The following DMD variants were observed in gnomAD, a reference collection of about 807,000 sequenced individuals.
The protein encoded by DMD is dystrophin, also known as mutant dystrophin.
A neutral mutation model predicts 330.1 loss-of-function variants in DMD; 63 were observed. The observed-to-expected ratio is 0.19, with a 90% CI of 0.16 to 0.24. The LOEUF is 0.24. DMD is among the 10% of genes least tolerant of loss of function. The probability of loss-of-function intolerance (pLI) is 1.00; values close to 1 mark genes in which losing one functional copy is unlikely to be tolerated. For missense variants in DMD, 3,344 were observed against 2,684.1 expected, an observed-to-expected ratio of 1.25 and a Z score of -5.43; for synonymous variants, 1,223 against 959.8, an observed-to-expected ratio of 1.27 and a Z score of -5.07.
intron 50 of DMD, among the ~76,000 whole-genome samples, chrX:31,797,044 A>T (rs1280991400): frequency 8.9e-6 from 1 of 111,888 alleles, no homozygotes; most frequent in Non-Finnish European, 1.9e-5. Flanking sequence ...CATTCTTTAT[A>T]AATTGCCCAG....
intron 63 of DMD, among the ~76,000 whole-genome samples, chrX:31,230,743 C>A (rs764294000): frequency 2.7e-4 from 30 of 110,654 alleles, no homozygotes; most frequent in Middle Eastern, 9.3e-3. Flanking sequence ...AGGTTATGAA[C>A]CAAAAAATAC....
At chrX:32,222,649 A>G (rs1407112567) in intron 43 of DMD, among the ~76,000 whole-genome samples, 1 of 112,045 alleles carries the variant, frequency 8.9e-6, no homozygotes, top group Non-Finnish European at 1.9e-5. Flanking sequence ...TGTTGTCATT[A>G]TTAGTGTACC....
At chrX:31,697,213 G>C (rs973563953) in intron 52 of DMD, among the ~76,000 whole-genome samples, 1 of 111,217 alleles carries the variant, frequency 9.0e-6, no homozygotes, top group African/African-American at 3.3e-5. Context: ...ACATATTATG[G>C]CAATGTATTT....
chrX:31,609,908 T>C (rs2077814719), intron 55 of DMD, among the ~76,000 whole-genome samples: 1 of 111,787 alleles, frequency 8.9e-6, no homozygotes, highest in Non-Finnish European at 1.9e-5. Context: ...TATTCTACCA[T>C]ATTTCTCTTT....
In DMD at chrX:31,648,008, G is replaced by T. The variant is rs143059556; in HGVS notation, c.8027+9982C>A. On this transcript the variant is annotated intron_variant, in intron 54 of 78. Transcript: ENST00000357033. ...GGAAGAATGTCACTATGTACTTCAA[G>T]AAATTATTTCCCCCATGTTTTTTAT... Among the ~76,000 whole-genome samples the T allele has an allele frequency of 3.2e-3, 361 of 111,979 alleles. 4 individuals are homozygous for T. The highest frequency in any genetic ancestry group is 0.02 in the Admixed American group (207 of 10,544).
At chrX:31,750,609 C>T (rs1247677320) in intron 51 of DMD, among the ~76,000 whole-genome samples, 1 of 110,694 alleles carries the variant, frequency 9.0e-6, no homozygotes, top group Non-Finnish European at 1.9e-5. Flanking sequence ...CCTCTCTCAC[C>T]ACTCCTATTC....
intron 2 of DMD, among the ~76,000 whole-genome samples, chrX:32,910,538 G>A (rs928672159): frequency 9.0e-6 from 1 of 110,794 alleles, no homozygotes; most frequent in Non-Finnish European, 1.9e-5. Flanking sequence ...CCTGCCAAGC[G>A]ATTCTCCTGC....
chrX:31,336,568 T>C (rs763660171), intron 61 of DMD, among the ~76,000 whole-genome samples: 6 of 112,590 alleles, frequency 5.3e-5, no homozygotes, highest in Non-Finnish European at 7.5e-5. Flanking sequence ...ATGCCAATAG[T>C]GCCCAGGTCA....
chrX:31,458,733 T>A (rs1462527711), intron 59 of DMD, among the ~76,000 whole-genome samples: 2 of 110,496 alleles, frequency 1.8e-5, no homozygotes, highest in Admixed American at 9.7e-5. Flanking sequence ...AAACTCTTTT[T>A]AAAATAATCT....
At chrX:31,343,222 ATAATT>A (rs2057866418) in intron 61 of DMD, among the ~76,000 whole-genome samples, 1 of 111,564 alleles carries the variant, frequency 9.0e-6, no homozygotes, top group African/African-American at 3.2e-5. Context: ...AAATTAGTAT[ATAATT>A]TAAATAATTT....
At chrX:32,164,874 G>C (rs1359575417) in intron 44 of DMD, among the ~76,000 whole-genome samples, 1 of 111,509 alleles carries the variant, frequency 9.0e-6, no homozygotes, top group Non-Finnish European at 1.9e-5. Flanking sequence ...TGGATAAAAG[G>C]GGCCAAGGTA....
intron 60 of DMD, among the ~76,000 whole-genome samples, chrX:31,417,063 G>C (rs2061906105): frequency 8.9e-6 from 1 of 111,952 alleles, no homozygotes; most frequent in South Asian, 3.7e-4. Flanking sequence ...CCATATTATA[G>C]CACAGGCTTT....
At chrX:32,204,976 A>ATCCCTCTCTCTCTC (rs2097057660) in intron 44 of DMD, among the ~76,000 whole-genome samples, 1 of 45,322 alleles carries the variant, frequency 2.2e-5, no homozygotes, top group Non-Finnish European at 4.3e-5. Flanking sequence ...CATCCAAGCC[A>ATCCCTCTCTCTCTC]TCTCTCTCTC....
chrX:32,599,986 T>C (rs987617941), intron 12 of DMD, among the ~76,000 whole-genome samples: 6 of 112,388 alleles, frequency 5.3e-5, no homozygotes, highest in Non-Finnish European at 1.1e-4. Flanking sequence ...CAAACAGTTT[T>C]TGTTATACCT....
rs762499959 is a variant in DMD, at chrX:31,891,439, G to A, written c.6913-16066C>T. Among the ~76,000 whole-genome samples the A allele has an allele frequency of 4.5e-5, 5 of 111,995 alleles. No homozygotes were observed. The South Asian group carries it at 1.9e-3, about 42-fold the overall frequency. On this transcript the variant is annotated intron_variant, in intron 47 of 78. Transcript: ENST00000357033. Reference sequence around the variant, plus strand: ...TGTTGCCATAACCCCATTTCAACAGGAGACTTGGGCAGAGGGCAGCAAACT... The same window carrying A: ...TGTTGCCATAACCCCATTTCAACAGAAGACTTGGGCAGAGGGCAGCAAACT...
intron 41 of DMD, among the ~76,000 whole-genome samples, chrX:32,332,851 T>C (rs1295450650): frequency 1.8e-5 from 2 of 110,789 alleles, no homozygotes; most frequent in African/African-American, 3.3e-5. Flanking sequence ...TTTTTTTTTC[T>C]CTGAAAATTT....
At chrX:32,605,473 T>G (rs2056613745) in intron 12 of DMD, among the ~76,000 whole-genome samples, 1 of 109,502 alleles carries the variant, frequency 9.1e-6, no homozygotes, top group Non-Finnish European at 1.9e-5. Flanking sequence ...TAGGAAAAAC[T>G]CTTCTCGACA....
At chrX:31,630,080 A>G (rs949754571) in intron 54 of DMD, among the ~76,000 whole-genome samples, 1 of 112,173 alleles carries the variant, frequency 8.9e-6, no homozygotes, top group African/African-American at 3.2e-5. Context: ...CTTAAACTAG[A>G]AATGCCGCTT....
chrX:32,478,682 A>G (rs756241730), intron 21 of DMD, among the ~76,000 whole-genome samples: 2 of 111,648 alleles, frequency 1.8e-5, no homozygotes, highest in South Asian at 3.7e-4. Flanking sequence ...TTTTAGCCCA[A>G]TTTCCTATCA....
Sources: allele counts gnomAD v4.1 joint callset (sites outside exome capture counted in the v4.1 genomes callset), GRCh38; gene constraint gnomAD v4.1.1; transcripts MANE v1.5; gene names NCBI Gene and HGNC (gene_info 2026-07-23, HGNC 2026-07-21).